SLCO5A1: variants seen among roughly 807,000 people sequenced by gnomAD.
SLCO5A1 encodes the protein solute carrier organic anion transporter family member 5A1.
Under a neutral mutation model 65.1 loss-of-function variants are expected in SLCO5A1, and 39 were observed. That is an observed-to-expected ratio of 0.60 (90% CI 0.46 to 0.78). The LOEUF (loss-of-function observed/expected upper bound fraction) is 0.78. Among genes scored for constraint, SLCO5A1 ranks in the 30% least tolerant of loss-of-function variants. The pLI, the probability that SLCO5A1 is intolerant of heterozygous loss-of-function variation, is 0.00. For missense variants in SLCO5A1, 1,029 were observed against 1,069.4 expected, an observed-to-expected ratio of 0.96 and a Z score of 0.53; for synonymous variants, 438 against 415.7, an observed-to-expected ratio of 1.05 and a Z score of -0.65.
At chr8:69,785,737 C>T (rs1819022219) in intron 2 of SLCO5A1, among the ~76,000 whole-genome samples, 1 of 152,168 alleles carries the variant, frequency 6.6e-6, no homozygotes, top group Non-Finnish European at 1.5e-5. Flanking sequence ...AATTTAAATA[C>T]AGCCACAAAT....
At position 69,832,975 on chromosome 8, in the gene SLCO5A1, G is replaced by C. The variant is rs1364860640; in HGVS notation, c.-302C>G. ...CGGTAGCTTGAGGCAGGCGCCTCGC[G>C]CGTCCCGGGCTCATCCCCTCCGCCG... On this transcript the variant is annotated 5_prime_UTR_variant, in exon 2 of 10. Coordinates refer to ENST00000260126, the MANE Select transcript of SLCO5A1 (RefSeq NM_030958.3). The surrounding 1 kb of genome is among the most constrained non-coding windows in gnomAD (Gnocchi z 4.5). 1 of 387,526 alleles carries C rather than the reference G, an allele frequency of 2.6e-6. No homozygotes were observed. The highest frequency in any genetic ancestry group is 5.1e-5 in the East Asian group (1 of 19,572). The allele number at this position is 387,526 out of a possible 1,614,324, so 24.0% of individuals were successfully genotyped here. A position where few individuals can be genotyped will look rare whatever the true frequency, so the allele number is the denominator to read the frequency against.
At chr8:69,738,321 G>T in intron 4 of SLCO5A1, 117 bp from the exon 5 acceptor site, 1 of 894,104 alleles carries the variant, frequency 1.1e-6, no homozygotes, top group South Asian at 2.6e-5. Context: ...TTGCCACCAA[G>T]GAATAAAAAT....
chr8:69,682,206 T>C lies in SLCO5A1; in HGVS notation c.1760A>G (p.Asn587Ser). ...YFNPCLAGCV[N>S]SGNLSTGIRN... ...CACCCCAGTGCTAAGATTACCACTA[T>C]TAACACAGCCAGCCAGACAAGGGTT... Residue 587 changes from asparagine (N) to serine (S), a missense_variant, in exon 7 of 10, where the codon AAT becomes AGT. By Grantham distance (46) the Asn-to-Ser change is conservative (BLOSUM62 1). This residue lies in a region of SLCO5A1 where 124 missense variants were observed against 184.5 expected (regional missense o/e 0.67). Transcript: ENST00000260126. 6.2e-7 allele frequency: 1 copy of C among 1,612,772 alleles called. No homozygotes were observed. The highest frequency in any genetic ancestry group is 8.5e-7 in the Non-Finnish European group (1 of 1,179,542).
chr8:69,828,937 T>C (rs1407845339), intron 2 of SLCO5A1, among the ~76,000 whole-genome samples: 3 of 152,230 alleles, frequency 2.0e-5, no homozygotes, highest in Admixed American at 1.3e-4. Context: ...CAAGTCTGTA[T>C]TGATGCTACC....
chr8:69,684,727 C>T (rs1813934163), intron 6 of SLCO5A1, among the ~76,000 whole-genome samples: 1 of 152,150 alleles, frequency 6.6e-6, no homozygotes, highest in Non-Finnish European at 1.5e-5. Flanking sequence ...TTTTGCTGTA[C>T]ACTGCTTCTC....
Position 69,832,222 on chromosome 8 carries a change from C to A in SLCO5A1, c.452G>T (p.Ser151Ile), listed in dbSNP as rs2130931419. ...QALMVSGYLSSVITTIERRYS... is the reference protein window; with the variant it reads ...QALMVSGYLSIVITTIERRYS... Reference sequence around the variant, plus strand: ...GCGCCTTTCAATGGTGGTAATTACGCTGCTCAGGTACCCAGAGACCATTAA... The same window carrying A: ...GCGCCTTTCAATGGTGGTAATTACGATGCTCAGGTACCCAGAGACCATTAA... Residue 151 changes from serine (S) to isoleucine (I), a missense_variant, in exon 2 of 10, where the codon AGC becomes ATC. Ser to Ile is a moderately radical substitution (Grantham distance 142, BLOSUM62 -2). Around this residue, in one of 3 missense-constraint regions of SLCO5A1, gnomAD observed 647 missense variants for 647.5 expected, o/e 1.00. Coordinates refer to ENST00000260126, the MANE Select transcript of SLCO5A1 (RefSeq NM_030958.3). This position sits in a 1 kb window ranked among gnomAD's most constrained non-coding sequence, Gnocchi z 4.5. 1 of 1,614,220 alleles carries A rather than the reference C, an allele frequency of 6.2e-7. No individual in the cohort carries two copies. Among genetic ancestry groups the A allele is most frequent in the South Asian group, 1.1e-5 (1 of 91,088 alleles).
At chr8:69,780,559 A>G (rs537729721) in intron 2 of SLCO5A1, among the ~76,000 whole-genome samples, 2 of 152,350 alleles carry the variant, frequency 1.3e-5, no homozygotes, top group South Asian at 2.1e-4. Context: ...ACAGAAAGAC[A>G]AATAGCACAT....
intron 2 of SLCO5A1, among the ~76,000 whole-genome samples, chr8:69,781,764 TCTC>T (rs1818803922): frequency 6.6e-6 from 1 of 152,098 alleles, no homozygotes. Flanking sequence ...TTCAAGCAAT[TCTC>T]CTGCCTCAGC....
At chr8:69,798,715 C>T (rs1819607689) in intron 2 of SLCO5A1, among the ~76,000 whole-genome samples, 1 of 152,102 alleles carries the variant, frequency 6.6e-6, no homozygotes, top group South Asian at 2.1e-4. Flanking sequence ...AGCCATAGCA[C>T]CAGTCCAAAA....
chr8:69,824,999 G>A (rs756252397), intron 2 of SLCO5A1, among the ~76,000 whole-genome samples: 9 of 152,056 alleles, frequency 5.9e-5, no homozygotes, highest in Middle Eastern at 3.4e-3. Context: ...ATGTAATCCA[G>A]CATATAAACA....
chr8:69,817,610 C>T (rs571992108), intron 2 of SLCO5A1, among the ~76,000 whole-genome samples: 1 of 152,238 alleles, frequency 6.6e-6, no homozygotes, highest in African/African-American at 2.4e-5. Flanking sequence ...TCTGGGCTTC[C>T]TTGCCTGCCA....
At chr8:69,681,343 C>T (rs1813753035) in intron 7 of SLCO5A1, among the ~76,000 whole-genome samples, 3 of 152,180 alleles carry the variant, frequency 2.0e-5, no homozygotes, top group Non-Finnish European at 2.9e-5. Flanking sequence ...CCTGTAATCC[C>T]AGCACTTTGG....
chr8:69,818,622 A>G (rs1238558721), intron 2 of SLCO5A1, among the ~76,000 whole-genome samples: 1 of 152,246 alleles, frequency 6.6e-6, no homozygotes, highest in Non-Finnish European at 1.5e-5. Flanking sequence ...GAATAAATCA[A>G]TATGCACCCA....
chr8:69,695,970 G>A (rs1814480395), intron 6 of SLCO5A1, among the ~76,000 whole-genome samples: 1 of 152,230 alleles, frequency 6.6e-6, no homozygotes, highest in South Asian at 2.1e-4. Context: ...TCATGGGCAT[G>A]AGAAAGAAAG....
At chr8:69,769,838 T>TA (rs1818238786) in intron 2 of SLCO5A1, among the ~76,000 whole-genome samples, 1 of 152,188 alleles carries the variant, frequency 6.6e-6, no homozygotes, top group South Asian at 2.1e-4. Context: ...CCTGTTGCTA[T>TA]AATTATTTTA....
At chr8:69,682,405 T>G in intron 6 of SLCO5A1, 62 bp from the exon 7 acceptor site, 2 of 1,397,830 alleles carry the variant, frequency 1.4e-6, no homozygotes, top group Non-Finnish European at 1.9e-6. Flanking sequence ...ATAGGAAAGG[T>G]CTTGAAATTA....
At chr8:69,810,809 A>T (rs1820177343) in intron 2 of SLCO5A1, among the ~76,000 whole-genome samples, 1 of 152,224 alleles carries the variant, frequency 6.6e-6, no homozygotes, top group Non-Finnish European at 1.5e-5. Context: ...GCTCAGCTGC[A>T]GCAAGATTGG....
Position 69,669,151 on chromosome 8 carries a change from A to T in SLCO5A1, c.*3718T>A, listed in dbSNP as rs1008548904. ...AATATGAACTATAAATAAATATTTG[A>T]GGTATGTTATGACAAATAACTTTAA... is the stretch of plus-strand genomic sequence containing the variant. On this transcript the variant is annotated 3_prime_UTR_variant, in exon 10 of 10. Transcript: ENST00000260126. 2.6e-5 allele frequency: 4 copies of T among 152,212 alleles called. No individual in the cohort carries two copies. Among genetic ancestry groups the T allele is most frequent in the Non-Finnish European group, 2.9e-5 (2 of 68,038 alleles). The allele number at this position is 152,212 out of a possible 1,614,324, so 9.4% of individuals were successfully genotyped here. A position where few individuals can be genotyped will look rare whatever the true frequency, so the allele number is the denominator to read the frequency against.
chr8:69,701,443 C>T (rs535866884), intron 6 of SLCO5A1, among the ~76,000 whole-genome samples: 2 of 152,286 alleles, frequency 1.3e-5, no homozygotes, highest in South Asian at 4.2e-4. Context: ...AACATCAACA[C>T]AGACTTGAAA....
Sources: allele counts gnomAD v4.1 joint callset (sites outside exome capture counted in the v4.1 genomes callset), GRCh38; gene constraint gnomAD v4.1.1; regional missense constraint gnomAD v4.1.1; non-coding constraint Gnocchi (gnomAD v3.1); transcripts MANE v1.5; gene names NCBI Gene and HGNC (gene_info 2026-07-23, HGNC 2026-07-21).